MECOM: variants seen among roughly 807,000 people sequenced by gnomAD.
The protein encoded by MECOM is MDS1 and EVI1 complex locus.
A neutral mutation model predicts 116.3 loss-of-function variants in MECOM; 13 were observed. The ratio of observed to expected loss-of-function variants is 0.11; its 90% CI spans 0.07 to 0.18. The LOEUF (loss-of-function observed/expected upper bound fraction) is 0.18, where lower values mean the gene tolerates loss of function less well. Ranked by LOEUF, MECOM falls within the 10% of genes least tolerant of loss-of-function variation. The pLI, the probability that MECOM is intolerant of heterozygous loss-of-function variation, is 1.00. For synonymous variants in MECOM, 528 were observed against 535.2 expected, an observed-to-expected ratio of 0.99 and a Z score of 0.19; for missense variants, 1,299 against 1,509.0, an observed-to-expected ratio of 0.86 and a Z score of 2.31.
intron 2 of MECOM, 55 bp downstream of exon 2, chr3:169,381,132 C>G: frequency 6.8e-7 from 1 of 1,460,932 alleles, no homozygotes. Context: ...CTTAAACAAT[C>G]TCTTCTTTAC....
chr3:169,218,293 C>T (rs1011338221), intron 2 of MECOM, among the ~76,000 whole-genome samples: 2 of 152,094 alleles, frequency 1.3e-5, no homozygotes, highest in Non-Finnish European at 2.9e-5. Context: ...ATAAAACTTT[C>T]AACAGGGATC....
At chr3:169,145,082 G>A in intron 2 of MECOM, 1 of 1,501,768 alleles carries the variant, frequency 6.7e-7, no homozygotes. Flanking sequence ...GAAATTGAAG[G>A]GCAATAAGTC....
rs545723542 is a variant in MECOM at position 169,387,755 on chromosome 3, T to C, written c.38-6231A>G. On this transcript the variant is annotated intron_variant, in intron 1 of 16. Transcript: ENST00000651503. The stretch of plus-strand genomic sequence containing the variant: ...ATCTGTGTGTAGGGGTGTGTGTGTG[T>C]AATAGCTCCCTAATCTTAAAAATAG... 2.0e-5 allele frequency among the ~76,000 whole-genome samples: 3 copies of C among 152,136 alleles called. No individual in the cohort carries two copies. In the East Asian group the frequency reaches 5.8e-4, roughly 30 times the overall value.
chr3:169,144,900 T>C (rs1739294881), intron 2 of MECOM: 2 of 928,354 alleles, frequency 2.2e-6, no homozygotes, highest in East Asian at 5.3e-5. Flanking sequence ...CATAACCACA[T>C]AAAAGTTAAA....
intron 1 of MECOM, among the ~76,000 whole-genome samples, chr3:169,602,614 G>A (rs1225137231): frequency 6.6e-6 from 1 of 152,192 alleles, no homozygotes; most frequent in African/African-American, 2.4e-5. Context: ...AACCAAAAAT[G>A]TCTCCAGACA....
intron 2 of MECOM, among the ~76,000 whole-genome samples, chr3:169,308,722 A>G (rs1320134040): frequency 6.6e-6 from 1 of 152,204 alleles, no homozygotes; most frequent in Non-Finnish European, 1.5e-5. Context: ...TAGGAAAAAA[A>G]CACTTTTAAG....
At chr3:169,219,361 G>A (rs1751817973) in intron 2 of MECOM, among the ~76,000 whole-genome samples, 1 of 152,150 alleles carries the variant, frequency 6.6e-6, no homozygotes. Flanking sequence ...AAAAAAATTA[G>A]CCAGGCGTGG....
chr3:169,463,040 G>A (rs1220662480), intron 1 of MECOM, among the ~76,000 whole-genome samples: 1 of 152,162 alleles, frequency 6.6e-6, no homozygotes, highest in Non-Finnish European at 1.5e-5. Flanking sequence ...CAGCATTTAA[G>A]CTAATGAAGC....
chr3:169,298,058 C>T (rs571946989), intron 2 of MECOM, among the ~76,000 whole-genome samples: 344 of 152,204 alleles, frequency 2.3e-3, no homozygotes, highest in Non-Finnish European at 4.0e-3. Flanking sequence ...CATCCAGCAT[C>T]GGGAGAAATA....
intron 13 of MECOM, among the ~76,000 whole-genome samples, chr3:169,093,642 G>A (rs1273925505): frequency 3.3e-5 from 5 of 152,186 alleles, no homozygotes; most frequent in African/African-American, 1.2e-4. Flanking sequence ...GGTTGGTGCA[G>A]TATTAAAAGG....
intron 2 of MECOM, among the ~76,000 whole-genome samples, chr3:169,341,015 A>G (rs1010953019): frequency 6.6e-6 from 1 of 152,242 alleles, no homozygotes; most frequent in Non-Finnish European, 1.5e-5. Flanking sequence ...AACATTAGAC[A>G]GACATGGTAA....
At position 169,545,275 on chromosome 3, in the gene MECOM, G is replaced by A. The variant is rs116348144; in HGVS notation, c.37+118061C>T. Among the ~76,000 whole-genome samples the A allele has an allele frequency of 3.7e-3, 563 of 152,198 alleles. 9 individuals carry two copies. Among genetic ancestry groups the A allele is most frequent in the African/African-American group, 0.013 (546 of 41,538 alleles). ...TACATAATAGGCACTCTGCTACATG[G>A]CTTAGATTAGGGCTCTGTCTACATA... On this transcript the variant is annotated intron_variant, in intron 1 of 16. Transcript: ENST00000651503.
intron 1 of MECOM, among the ~76,000 whole-genome samples, chr3:169,497,431 T>G (rs1753955958): frequency 6.6e-6 from 1 of 151,922 alleles, no homozygotes. Context: ...CTGCAACCTC[T>G]GCCTCCTGGG....
At chr3:169,135,481 A>T (rs2149237986) in intron 3 of MECOM, among the ~76,000 whole-genome samples, 1 of 152,134 alleles carries the variant, frequency 6.6e-6, no homozygotes, top group Admixed American at 6.5e-5. Context: ...GTGAAAGACA[A>T]GAAGAATGGG....
chr3:169,538,277 G>A (rs1176309317), intron 1 of MECOM, among the ~76,000 whole-genome samples: 1 of 152,040 alleles, frequency 6.6e-6, no homozygotes, highest in Non-Finnish European at 1.5e-5. Context: ...TTCAATTTTT[G>A]CCTAATTATT....
intron 2 of MECOM, among the ~76,000 whole-genome samples, chr3:169,324,767 G>T (rs1426688370): frequency 2.0e-5 from 3 of 152,204 alleles, no homozygotes; most frequent in Non-Finnish European, 4.4e-5. Context: ...AGGACAGTGG[G>T]CTGGGGCTAA....
At chr3:169,302,780 G>C (rs1170434577) in intron 2 of MECOM, among the ~76,000 whole-genome samples, 2 of 151,686 alleles carry the variant, frequency 1.3e-5, no homozygotes, top group Admixed American at 1.3e-4. Flanking sequence ...AGGAGAATCA[G>C]TTGAACCCAG....
At chr3:169,261,726 AAGG>A (rs141812624) in intron 2 of MECOM, among the ~76,000 whole-genome samples, 8,551 of 136,354 alleles carry the variant, frequency 0.063, 319 homozygotes, top group Non-Finnish European at 0.077. Context: ...GGAGAAGGAG[AAGG>A]AGAAGGAGAA....
At chr3:169,233,672 C>G (rs1753686618) in intron 2 of MECOM, among the ~76,000 whole-genome samples, 2 of 152,090 alleles carry the variant, frequency 1.3e-5, no homozygotes, top group Admixed American at 1.3e-4. Context: ...GTGAAACCAG[C>G]TTTTAGCAAT....
Sources: allele counts gnomAD v4.1 joint callset (sites outside exome capture counted in the v4.1 genomes callset), GRCh38; gene constraint gnomAD v4.1.1; transcripts MANE v1.5; gene names NCBI Gene and HGNC (gene_info 2026-07-23, HGNC 2026-07-21).